Variants in MYO18B observed in about 807,000 individuals in gnomAD.
MYO18B encodes unconventional myosin-XVIIIb.
In MYO18B, 204 loss-of-function variants were observed where a neutral mutation model predicts 273.0. The ratio of observed to expected loss-of-function variants is 0.75; its 90% confidence interval spans 0.67 to 0.84. The LOEUF is 0.84. MYO18B is among the 40% of genes least tolerant of loss of function. The pLI is 0.00. For missense variants in MYO18B, 3,212 were observed against 3,287.6 expected, an observed-to-expected ratio of 0.98 and a Z score of 0.56; for synonymous variants, 1,330 against 1,305.7, an observed-to-expected ratio of 1.02 and a Z score of -0.40.
At chr22:25,774,611 T>C (rs2086847554) in intron 7 of MYO18B, among the ~76,000 whole-genome samples, 1 of 152,146 alleles carries the variant, frequency 6.6e-6, no homozygotes, top group African/African-American at 2.4e-5. Context: ...TTCCCTCAAG[T>C]CTTCCAGCCT....
intron 10 of MYO18B, 88 bp downstream of exon 10, chr22:25,781,922 G>A: frequency 9.3e-6 from 8 of 857,806 alleles, no homozygotes; most frequent in Non-Finnish European, 1.3e-5. Flanking sequence ...CTTCTGCCCA[G>A]CACTGAGAGG....
At position 25,847,426 on chromosome 22, in the gene MYO18B, C is replaced by G. The variant is rs369655385; in HGVS notation, c.3553-4C>G. ...TGGCCCTGACCTCCCTCTATTTGGT[C>G]TAGGATGCGCTGACCAGCATGATCA... On this transcript the variant is annotated splice_region_variant and splice_polypyrimidine_tract_variant and intron_variant, in intron 19 of 43. Transcript: ENST00000335473. 1.1e-5 allele frequency: 17 copies of G among 1,561,204 alleles called. No individual in the cohort carries two copies. The highest frequency in any genetic ancestry group is 1.9e-5 in the Admixed American group (1 of 52,318).
At chr22:25,982,030 G>A (rs1051569227) in intron 39 of MYO18B, among the ~76,000 whole-genome samples, 3 of 152,136 alleles carry the variant, frequency 2.0e-5, no homozygotes, top group Non-Finnish European at 4.4e-5. Context: ...GGAAGCAGGC[G>A]GTCCCTACAT....
intron 11 of MYO18B, among the ~76,000 whole-genome samples, chr22:25,787,270 GCGCACACA>G (rs975956261): frequency 6.6e-4 from 28 of 42,698 alleles, no homozygotes; most frequent in African/African-American, 2.3e-3. Context: ...GTGCAGGCGC[GCGCACACA>G]CACACACACA....
intron 17 of MYO18B, among the ~76,000 whole-genome samples, chr22:25,843,452 G>C (rs955133186): frequency 2.6e-5 from 4 of 152,188 alleles, no homozygotes. Flanking sequence ...CAGTCCAGGT[G>C]ATACGTGGTT....
chr22:25,769,534 G>A (rs2086639953), intron 4 of MYO18B, 106 bp downstream of exon 4: 1 of 1,084,282 alleles, frequency 9.2e-7, no homozygotes, highest in Non-Finnish European at 1.3e-6. Flanking sequence ...TGGACGGGGG[G>A]TGGGCAGGGA....
At position 26,027,713 on chromosome 22, in the gene MYO18B, A is replaced by G. The variant is rs987296387; in HGVS notation, c.*12+23A>G. The G allele has an allele frequency of 1.1e-5, 17 of 1,559,630 alleles. No individual in the cohort carries two copies. Among genetic ancestry groups the G allele is most frequent in the Non-Finnish European group, 1.5e-5 (17 of 1,152,742 alleles). Reference sequence around the variant, plus strand: ...CAGGTAAAAGCAACAGGCTGGGGCTATTCTTGGGGGAATGAGAGTTCACCT... The same window carrying G: ...CAGGTAAAAGCAACAGGCTGGGGCTGTTCTTGGGGGAATGAGAGTTCACCT... On this transcript the variant is annotated intron_variant, in intron 43 of 43. Transcript: ENST00000335473. This position sits in a 1 kb window ranked among gnomAD's most constrained non-coding sequence, Gnocchi z 4.1.
intron 10 of MYO18B, among the ~76,000 whole-genome samples, chr22:25,783,938 T>C (rs1366989515): frequency 6.6e-6 from 1 of 152,226 alleles, no homozygotes; most frequent in Non-Finnish European, 1.5e-5. Flanking sequence ...GCTGCCAACT[T>C]GGTCCGTCAC....
chr22:25,937,228 G>A (rs962478851), intron 34 of MYO18B, among the ~76,000 whole-genome samples: 28 of 151,638 alleles, frequency 1.8e-4, no homozygotes, highest in Middle Eastern at 3.4e-3. Flanking sequence ...GGATTAATGG[G>A]TGTGCACCAC....
intron 31 of MYO18B, 22 bp downstream of exon 31, chr22:25,903,853 G>A: frequency 1.3e-6 from 2 of 1,576,636 alleles, no homozygotes; most frequent in African/African-American, 1.4e-5. Flanking sequence ...CTGTCTCAGG[G>A]CAACACCCTG....
At chr22:25,997,278 C>G (rs1201555636) in intron 40 of MYO18B, among the ~76,000 whole-genome samples, 1 of 109,986 alleles carries the variant, frequency 9.1e-6, no homozygotes, top group East Asian at 2.9e-4. Context: ...GTACTATAGC[C>G]TGGGCAACAG....
the MYO18B span, among the ~76,000 whole-genome samples, chr22:26,054,203 C>G: frequency 1.3e-5 from 2 of 152,110 alleles, no homozygotes; most frequent in South Asian, 4.1e-4. Context: ...TCCTGCAGCC[C>G]CAGGACAGAG....
chr22:25,948,562 T>TCCTTCCTTCC (rs1372403320), intron 36 of MYO18B, among the ~76,000 whole-genome samples: 1 of 151,044 alleles, frequency 6.6e-6, no homozygotes, highest in Non-Finnish European at 1.5e-5. Flanking sequence ...CTCTTTCTCT[T>TCCTTCCTTCC]TTTCTTCTTT....
the MYO18B span, among the ~76,000 whole-genome samples, chr22:26,059,752 G>C: frequency 1.3e-5 from 2 of 152,216 alleles, no homozygotes; most frequent in African/African-American, 4.8e-5. Flanking sequence ...TGCAATGAGA[G>C]ATCAGCCCTT....
At chr22:25,818,108 C>A (rs1304518802) in intron 12 of MYO18B, among the ~76,000 whole-genome samples, 1 of 152,236 alleles carries the variant, frequency 6.6e-6, no homozygotes, top group Non-Finnish European at 1.5e-5. Flanking sequence ...GTCTCCTAAT[C>A]TCCTTGCCTC....
intron 12 of MYO18B, among the ~76,000 whole-genome samples, chr22:25,798,522 G>A (rs528704411): frequency 3.3e-5 from 5 of 152,206 alleles, no homozygotes; most frequent in African/African-American, 1.2e-4. Flanking sequence ...TGCAAGGGAA[G>A]GTTGGGTCTC....
chr22:26,053,960 A>C, the MYO18B span, among the ~76,000 whole-genome samples: 1 of 152,126 alleles, frequency 6.6e-6, no homozygotes, highest in Non-Finnish European at 1.5e-5. Flanking sequence ...GAGAACTGGG[A>C]GGGGTTGGGG....
intron 39 of MYO18B, among the ~76,000 whole-genome samples, chr22:25,972,299 A>C (rs1230254360): frequency 6.6e-6 from 1 of 152,126 alleles, no homozygotes; most frequent in Non-Finnish European, 1.5e-5. Context: ...GCATCTGTTA[A>C]GGATGTCAGC....
In MYO18B at chr22:26,027,497, C is replaced by G. The variant is rs751177880; in HGVS notation, c.7523C>G (p.Ser2508Trp). ...GAGGATCCCGCTCACCTGTCTGACT[C>G]GTCCTCATCCTCCGGCTCCATCGTG... ...PKEDPAHLSD[S>W]SSSSGSIVSF... The change falls in exon 43 of 44, where the codon TCG (serine) becomes TGG (tryptophan). Residue 2508 changes from serine (S) to tryptophan (W), a missense_variant. Ser to Trp is a radical substitution (Grantham distance 177). Coordinates refer to ENST00000335473, the MANE Select transcript of MYO18B (RefSeq NM_032608.7). This position sits in a 1 kb window ranked among gnomAD's most constrained non-coding sequence, Gnocchi z 4.1. The G allele has an allele frequency of 1.9e-6, 3 of 1,613,876 alleles. No individual in the cohort carries two copies. Among genetic ancestry groups the G allele is most frequent in the Non-Finnish European group, 2.5e-6 (3 of 1,179,892 alleles).
Sources: gnomAD v4.1 joint callset for allele counts (sites outside exome capture counted in the v4.1 genomes callset) on GRCh38, gnomAD v4.1.1 for gene constraint, Gnocchi (gnomAD v3.1) non-coding constraint, MANE v1.5 for transcripts, NCBI Gene and HGNC (gene_info 2026-07-23, HGNC 2026-07-21) for gene names.